Variants in PECAM1 observed in about 807,000 individuals in gnomAD.
The protein encoded by PECAM1 is platelet and endothelial cell adhesion molecule 1, also known as platelet endothelial cell adhesion molecule.
In PECAM1, 8 loss-of-function variants were observed where a neutral mutation model predicts 13.8. That is an observed-to-expected ratio of 0.58 (90% CI 0.34 to 1.05). PECAM1 has a LOEUF of 1.05. PECAM1 is among the 50% of genes least tolerant of loss of function. The pLI, the probability that PECAM1 is intolerant of heterozygous loss-of-function variation, is 0.03. For missense variants in PECAM1, 304 were observed against 141.2 expected (o/e 2.15, Z -5.84); for synonymous variants, 136 against 52.6 (o/e 2.58, Z -6.86).
Position 64,322,101 on chromosome 17 carries a change from G to A in PECAM1, c.*1715C>T, listed in dbSNP as rs1297313216. 9.1e-7 allele frequency: 1 copy of A among 1,099,880 alleles called. No individual in the cohort carries two copies. Among genetic ancestry groups the A allele is most frequent in the Non-Finnish European group, 1.1e-6 (1 of 887,656 alleles). 68.1% of individuals were successfully genotyped at this position (1,099,880 alleles called of 1,614,324 possible). A position where few individuals can be genotyped will look rare whatever the true frequency, so the allele number is the denominator to read the frequency against. The stretch of plus-strand genomic sequence containing the variant: ...CAAAAGAGTCTAGGCTGGGCATGGT[G>A]GCTCACGCCTGCAATCCCAACCCAA... On this transcript the variant is annotated 3_prime_UTR_variant, in exon 16 of 16. Transcript: ENST00000563924.
rs966604663 is a variant in PECAM1, at chr17:64,390,340, T to G, written c.91+149A>C. The G allele has an allele frequency of 2.6e-3, 1,049 of 408,368 alleles. 10 individuals carry two copies. The highest frequency in any genetic ancestry group is 0.017 in the African/African-American group (807 of 48,768). 25.3% of individuals were successfully genotyped at this position (408,368 alleles called of 1,614,324 possible). A position where few individuals can be genotyped will look rare whatever the true frequency, so the allele number is the denominator to read the frequency against. On this transcript the variant is annotated intron_variant, in intron 2 of 15. Coordinates refer to ENST00000563924, the MANE Select transcript of PECAM1 (RefSeq NM_000442.5). ...CTAAGCCTTTCTAAAAATGCCCACA[T>G]GGGATAAACTTTAGTTCTCAATTGG...
At chr17:64,357,008 C>G (rs958528106) in intron 7 of PECAM1, among the ~76,000 whole-genome samples, 3 of 152,120 alleles carry the variant, frequency 2.0e-5, no homozygotes, top group Admixed American at 1.3e-4. Context: ...GAGTCCCCTG[C>G]TGATTAAATT....
intron 2 of PECAM1, among the ~76,000 whole-genome samples, chr17:64,389,405 A>C (rs2036668257): frequency 6.6e-6 from 1 of 152,228 alleles, no homozygotes; most frequent in African/African-American, 2.4e-5. Flanking sequence ...AATTAGCTGT[A>C]AAGTGGAAGA....
intron 3 of PECAM1, among the ~76,000 whole-genome samples, chr17:64,376,497 T>A (rs1214332279): frequency 2.0e-5 from 3 of 152,110 alleles, no homozygotes; most frequent in Non-Finnish European, 2.9e-5. Flanking sequence ...TACCCTTTAT[T>A]GAATGCAGCC....
intron 2 of PECAM1, among the ~76,000 whole-genome samples, chr17:64,389,019 A>G (rs2036660782): frequency 6.6e-6 from 1 of 152,146 alleles, no homozygotes; most frequent in Non-Finnish European, 1.5e-5. Context: ...CAGGATAATT[A>G]TGAAGATTAT....
Position 64,321,368 on chromosome 17 carries a change from A to C in PECAM1, c.*2448T>G. ...TAAAGCCAGCGTCCTGGATTCAGAC[A>C]GACCTTTTAGCCATTAAATCCACTA... On this transcript the variant is annotated 3_prime_UTR_variant, in exon 16 of 16. Transcript: ENST00000563924. 3 of 930,252 alleles carry C rather than the reference A, an allele frequency of 3.2e-6. No individual in the cohort carries two copies. Among genetic ancestry groups the C allele is most frequent in the Non-Finnish European group, 3.8e-6 (3 of 779,384 alleles). The allele number at this position is 930,252 out of a possible 1,614,324, so 57.6% of individuals were successfully genotyped here. A position where few individuals can be genotyped will look rare whatever the true frequency, so the allele number is the denominator to read the frequency against.
At position 64,323,637 on chromosome 17, in the gene PECAM1, C is replaced by A; in HGVS notation, c.*179G>T. ...AACAGCCCCTCTGTATCTCTTTCTA[C>A]CCAACATTAACTTAGCAGGATGGAT... On this transcript the variant is annotated 3_prime_UTR_variant, in exon 16 of 16. Transcript: ENST00000563924. The A allele has an allele frequency of 1.4e-6, 2 of 1,462,970 alleles. No homozygotes were observed. The highest frequency in any genetic ancestry group is 9.0e-7 in the Non-Finnish European group (1 of 1,110,106). The allele number at this position is 1,462,970 out of a possible 1,614,324, so 90.6% of individuals were successfully genotyped here. A position where few individuals can be genotyped will look rare whatever the true frequency, so the allele number is the denominator to read the frequency against.
chr17:64,326,381 CAAGG>C (rs1391540568), intron 15 of PECAM1, among the ~76,000 whole-genome samples: 1 of 152,224 alleles, frequency 6.6e-6, no homozygotes, highest in Non-Finnish European at 1.5e-5. Context: ...CTGCTGGGTC[CAAGG>C]ACCCTTGGGG....
At position 64,321,591 on chromosome 17, in the gene PECAM1, C is replaced by G; in HGVS notation, c.*2225G>C. On this transcript the variant is annotated 3_prime_UTR_variant, in exon 16 of 16. Transcript: ENST00000563924. ...TGGGCACCATGGTGAAACCTCATCT[C>G]TGCAAAAAAAAAATTAAAAATTAGC... 2.1e-6 allele frequency: 1 copy of G among 482,638 alleles called. No individual in the cohort carries two copies. Among genetic ancestry groups the G allele is most frequent in the Non-Finnish European group, 2.8e-6 (1 of 354,480 alleles). 29.9% of individuals were successfully genotyped at this position (482,638 alleles called of 1,614,324 possible).
At chr17:64,361,169 C>T (rs1026030744) in intron 6 of PECAM1, among the ~76,000 whole-genome samples, 4 of 98,110 alleles carry the variant, frequency 4.1e-5, no homozygotes, top group South Asian at 3.4e-4. Flanking sequence ...GTTCTGAGAC[C>T]GAGTCTTGCT....
At chr17:64,368,922 T>C (rs1186586856) in intron 5 of PECAM1, among the ~76,000 whole-genome samples, 2 of 139,136 alleles carry the variant, frequency 1.4e-5, no homozygotes, top group Non-Finnish European at 3.0e-5. Flanking sequence ...CAAAGGGTAA[T>C]TGTCATTTCT....
intron 3 of PECAM1, 128 bp from the exon 4 acceptor site, chr17:64,375,484 T>C (rs1039461896): frequency 5.0e-6 from 2 of 397,784 alleles, no homozygotes; most frequent in Non-Finnish European, 8.8e-6. Context: ...GAGGGCTCTT[T>C]TTTGTTCTCT....
intron 14 of PECAM1, among the ~76,000 whole-genome samples, chr17:64,341,235 G>A (rs2035421111): frequency 6.6e-6 from 1 of 151,562 alleles, no homozygotes; most frequent in Non-Finnish European, 1.5e-5. Flanking sequence ...CTGCACTCCA[G>A]CCTGAGTGAC....
chr17:64,387,466 TA>T, intron 2 of PECAM1, among the ~76,000 whole-genome samples: 1 of 151,904 alleles, frequency 6.6e-6, no homozygotes, highest in Non-Finnish European at 1.5e-5. Flanking sequence ...TTCTTTTTCC[TA>T]AAAAAAGAGT....
At chr17:64,331,992 C>T (rs549021970) in intron 14 of PECAM1, among the ~76,000 whole-genome samples, 50 of 152,336 alleles carry the variant, frequency 3.3e-4, no homozygotes, top group African/African-American at 1.1e-3. Flanking sequence ...CCTCCTGGAC[C>T]TCGGGCAGGC....
rs975405952 is a variant in PECAM1 at position 64,356,268 on chromosome 17, C to A, written c.1623G>T (p.Glu541Asp). 2.1e-6 allele frequency: 1 copy of A among 474,892 alleles called. No individual in the cohort carries two copies. Among genetic ancestry groups the A allele is most frequent in the Non-Finnish European group, 3.9e-6 (1 of 259,002 alleles). The allele number at this position is 474,892 out of a possible 1,614,324, so 29.4% of individuals were successfully genotyped here. A position where few individuals can be genotyped will look rare whatever the true frequency, so the allele number is the denominator to read the frequency against. ...AGGTCATTTGATAGAAGGGTTTGCC[C>A]TCTTTTTCTCTGTAAAACTTATAGG... ...PITYKFYREK[E>D]GKPFYQMTSN... The change falls in exon 8 of 16, where the codon GAG (glutamate) becomes GAT (aspartate). Residue 541 changes from glutamate (E) to aspartate (D), a missense_variant. By Grantham distance (45) the Glu-to-Asp change is conservative. Coordinates refer to ENST00000563924, the MANE Select transcript of PECAM1 (RefSeq NM_000442.5).
At chr17:64,355,436 G>A (rs1412381772) in intron 8 of PECAM1, among the ~76,000 whole-genome samples, 5 of 151,672 alleles carry the variant, frequency 3.3e-5, no homozygotes, top group Non-Finnish European at 7.4e-5. Flanking sequence ...GACTACAGGA[G>A]CACACCACCA....
At chr17:64,375,972 G>T (rs993599568) in intron 3 of PECAM1, among the ~76,000 whole-genome samples, 214 of 152,216 alleles carry the variant, frequency 1.4e-3, no homozygotes, top group African/African-American at 3.5e-3. Context: ...ACTACACACT[G>T]GGTACAGTGT....
At chr17:64,345,208 G>A (rs1235796560) in intron 13 of PECAM1, among the ~76,000 whole-genome samples, 1 of 152,002 alleles carries the variant, frequency 6.6e-6, no homozygotes, top group Non-Finnish European at 1.5e-5. Context: ...AGTGGCTCAT[G>A]CTTGTAATCC....
Sources: allele counts gnomAD v4.1 joint callset (sites outside exome capture counted in the v4.1 genomes callset), GRCh38; gene constraint gnomAD v4.1.1; transcripts MANE v1.5; gene names NCBI Gene and HGNC (gene_info 2026-07-23, HGNC 2026-07-21).